RFT1: variants seen among roughly 807,000 people sequenced by gnomAD.
RFT1 encodes the protein man(5)GlcNAc(2)-PP-dolichol translocation protein RFT1.
Under a neutral mutation model 62.2 loss-of-function variants are expected in RFT1, and 43 were observed. The ratio of observed to expected loss-of-function variants is 0.69; its 90% CI spans 0.54 to 0.89. The LOEUF (loss-of-function observed/expected upper bound fraction) is 0.89. RFT1 is among the 40% of genes least tolerant of loss of function. The pLI, the probability that RFT1 is intolerant of heterozygous loss-of-function variation, is 0.00. For missense variants in RFT1, 605 were observed against 649.9 expected (o/e 0.93, Z 0.75); for synonymous variants, 262 against 264.6 (o/e 0.99, Z 0.10).
chr3:53,112,467 C>T (rs1342562207), intron 6 of RFT1, among the ~76,000 whole-genome samples: 3 of 152,162 alleles, frequency 2.0e-5, no homozygotes, highest in East Asian at 1.9e-4. Context: ...CCAGGCCAGG[C>T]GAGGTTGCTC....
chr3:53,066,853 T>G, the RFT1 span, among the ~76,000 whole-genome samples: 1 of 152,220 alleles, frequency 6.6e-6, no homozygotes, highest in African/African-American at 2.4e-5. Flanking sequence ...CACACAAACG[T>G]GCACAGGATT....
At chr3:53,128,351 C>T (rs541415799) in intron 1 of RFT1, among the ~76,000 whole-genome samples, 17 of 152,264 alleles carry the variant, frequency 1.1e-4, no homozygotes, top group African/African-American at 3.1e-4. Flanking sequence ...CTCAAAGTTA[C>T]CACTGTCTAA....
chr3:53,125,974 G>C lies in RFT1; in HGVS notation c.84C>G (p.Thr28=). 6.2e-7 allele frequency: 1 copy of C among 1,613,542 alleles called. No homozygotes were observed. Residue 28 remains threonine (T), a synonymous_variant, in exon 2 of 13, where the codon ACC becomes ACG. Transcript: ENST00000296292. ...GAAGAATAAATGCATTCAAGACAAAGGTGATCAACCGAAACAACACCTATA... is the reference window on the plus strand; with the variant it reads ...GAAGAATAAATGCATTCAAGACAAACGTGATCAACCGAAACAACACCTATA... ...LLLQVLFRLI[T]FVLNAFILRF...
At chr3:53,094,474 G>A (rs1405913066) in intron 11 of RFT1, among the ~76,000 whole-genome samples, 1 of 152,082 alleles carries the variant, frequency 6.6e-6, no homozygotes, top group Non-Finnish European at 1.5e-5. Context: ...TCAGTCCAGA[G>A]AGAGTCTCTT....
At chr3:53,124,937 A>G (rs187813206) in intron 2 of RFT1, among the ~76,000 whole-genome samples, 1 of 152,332 alleles carries the variant, frequency 6.6e-6, no homozygotes, top group African/African-American at 2.4e-5. Flanking sequence ...GCGCCACTGA[A>G]CACCAGCCTG....
At chr3:53,092,656 T>C in intron 11 of RFT1, 38 bp from the exon 12 acceptor site, 2 of 1,596,736 alleles carry the variant, frequency 1.3e-6, no homozygotes, top group Non-Finnish European at 1.7e-6. Context: ...AGTGGTGACC[T>C]TGCCCTGGAC....
At chr3:53,111,116 T>C (rs1204774338) in intron 7 of RFT1, among the ~76,000 whole-genome samples, 1 of 152,148 alleles carries the variant, frequency 6.6e-6, no homozygotes, top group Non-Finnish European at 1.5e-5. Flanking sequence ...AAATAAATGA[T>C]ATAAAATGAT....
At chr3:53,087,128 C>T (rs1367175365), downstream of RFT1, among the ~76,000 whole-genome samples, 3 of 152,164 alleles carry the variant, frequency 2.0e-5, no homozygotes, top group East Asian at 1.9e-4. Flanking sequence ...GTCCCAGCTA[C>T]TGGGAGGCTG....
In RFT1 at chr3:53,130,224, C is replaced by A; in HGVS notation, c.63+114G>T. ...GTCGACCCCCCCACCCCCTCCATTG[C>A]GGGGTCCACCTCGGGACTGGGTCGG... On this transcript the variant is annotated intron_variant, in intron 1 of 12. Coordinates refer to ENST00000296292, the MANE Select transcript of RFT1 (RefSeq NM_052859.4). 4 of 1,050,786 alleles carry A rather than the reference C, an allele frequency of 3.8e-6. No homozygotes were observed. In the South Asian group the frequency reaches 5.4e-5, roughly 14 times the overall value. 65.1% of individuals were successfully genotyped at this position (1,050,786 alleles called of 1,614,324 possible). A position where few individuals can be genotyped will look rare whatever the true frequency, so the allele number is the denominator to read the frequency against.
At chr3:53,094,969 T>TA (rs1336800132) in intron 11 of RFT1, among the ~76,000 whole-genome samples, 1 of 152,130 alleles carries the variant, frequency 6.6e-6, no homozygotes, top group Non-Finnish European at 1.5e-5. Flanking sequence ...AAAATGCAAT[T>TA]AAAATATCAC....
At chr3:53,122,260 T>C in intron 4 of RFT1, 114 bp downstream of exon 4, 1 of 1,022,436 alleles carries the variant, frequency 9.8e-7, no homozygotes, top group Non-Finnish European at 1.5e-6. Flanking sequence ...TCTAAATACA[T>C]TTTTAGGTGC....
chr3:53,099,133 C>A (rs2581828), intron 11 of RFT1, among the ~76,000 whole-genome samples: 121 of 151,962 alleles, frequency 8.0e-4, no homozygotes, highest in African/African-American at 2.8e-3. Flanking sequence ...CTTTCAGAGC[C>A]GATGTTTCTT....
rs1701650265 is a variant in RFT1, at chr3:53,111,570, C to G, written c.775+260G>C. Among the ~76,000 whole-genome samples the G allele has an allele frequency of 1.3e-5, 2 of 152,074 alleles. 1 individual carries two copies. Among genetic ancestry groups the G allele is most frequent in the South Asian group, 4.1e-4 (2 of 4,820 alleles). The stretch of plus-strand genomic sequence containing the variant: ...AAAGAAATTCTGCAACCTCACTGAC[C>G]CTTAGTTTCCTCATCCATGATGAAG... On this transcript the variant is annotated intron_variant, in intron 7 of 12. Coordinates refer to ENST00000296292, the MANE Select transcript of RFT1 (RefSeq NM_052859.4).
At chr3:53,096,272 G>C (rs990753547) in intron 11 of RFT1, among the ~76,000 whole-genome samples, 4 of 152,034 alleles carry the variant, frequency 2.6e-5, no homozygotes, top group African/African-American at 9.7e-5. Context: ...ATGCTCAAAA[G>C]TATTTGCGAA....
At chr3:53,086,675 CCT>C (rs1232407589), downstream of RFT1, among the ~76,000 whole-genome samples, 1 of 152,110 alleles carries the variant, frequency 6.6e-6, no homozygotes, top group East Asian at 1.9e-4. Context: ...CTAGGGGACC[CCT>C]GATACTTGAG....
chr3:53,116,152 T>C (rs2107147159), intron 6 of RFT1, among the ~76,000 whole-genome samples: 1 of 152,320 alleles, frequency 6.6e-6, no homozygotes, highest in South Asian at 2.1e-4. Context: ...TTAAGTCAAA[T>C]TGATAGTAAA....
chr3:53,079,137 C>G, the RFT1 span, among the ~76,000 whole-genome samples: 4 of 152,172 alleles, frequency 2.6e-5, no homozygotes, highest in Admixed American at 1.3e-4. Context: ...GACTCCTGCA[C>G]AGTTGAAGGG....
At chr3:53,069,965 G>C in the RFT1 span, among the ~76,000 whole-genome samples, 52,919 of 152,066 alleles carry the variant, frequency 0.35, 9,465 homozygotes, top group South Asian at 0.42. Flanking sequence ...TCCCCACTGT[G>C]CCCTGCAGCA....
intron 7 of RFT1, among the ~76,000 whole-genome samples, chr3:53,109,552 G>A (rs978234955): frequency 1.3e-5 from 2 of 152,208 alleles, no homozygotes; most frequent in African/African-American, 4.8e-5. Flanking sequence ...GCTCATGCCT[G>A]TAATTCCAGC....
Sources: gnomAD v4.1 joint callset for allele counts (sites outside exome capture counted in the v4.1 genomes callset) on GRCh38, gnomAD v4.1.1 for gene constraint, MANE v1.5 for transcripts, NCBI Gene and HGNC (gene_info 2026-07-23, HGNC 2026-07-21) for gene names.